Variants in CYP46A1 observed in about 807,000 individuals in gnomAD.
CYP46A1 encodes cytochrome P450 family 46 subfamily A member 1, also known as cholesterol 24-hydroxylase.
CYP46A1 carries 20 observed loss-of-function variants against 63.3 expected under a neutral mutation model. The ratio of observed to expected loss-of-function variants is 0.32; its 90% CI spans 0.22 to 0.46. The LOEUF (loss-of-function observed/expected upper bound fraction) is 0.46, where lower values mean the gene tolerates loss of function less well. CYP46A1 is among the 20% of genes least tolerant of loss of function. CYP46A1 has a pLI of 1.00. For missense variants in CYP46A1, 445 were observed against 670.8 expected, an observed-to-expected ratio of 0.66 and a Z score of 3.72; for synonymous variants, 268 against 273.6, an observed-to-expected ratio of 0.98 and a Z score of 0.20.
At chr14:99,685,825 C>T (rs1330559078) in intron 1 of CYP46A1, among the ~76,000 whole-genome samples, 1 of 152,018 alleles carries the variant, frequency 6.6e-6, no homozygotes, top group Non-Finnish European at 1.5e-5. Context: ...TGCTCTCTCT[C>T]TCTCTCCTTG....
intron 7 of CYP46A1, chr14:99,710,876 TC>T (rs1357757211): frequency 6.6e-6 from 1 of 152,108 alleles, no homozygotes; most frequent in Non-Finnish European, 1.5e-5. Context: ...ATTCTTCTCA[TC>T]AGCACATGAA....
chr14:99,695,442 T>C, intron 3 of CYP46A1: 1 of 434,980 alleles, frequency 2.3e-6, no homozygotes. Flanking sequence ...TTCCATTAGT[T>C]TGGCTTCCTG....
At chr14:99,699,425 A>T in intron 3 of CYP46A1, 41 bp from the exon 4 acceptor site, 1 of 1,588,654 alleles carries the variant, frequency 6.3e-7, no homozygotes, top group Admixed American at 1.7e-5. Context: ...GCAGCTACTC[A>T]TGGGTGCATG....
intron 3 of CYP46A1, among the ~76,000 whole-genome samples, chr14:99,695,045 C>T (rs1187599839): frequency 6.6e-6 from 1 of 152,076 alleles, no homozygotes; most frequent in East Asian, 1.9e-4. Flanking sequence ...ATTCTTTGAA[C>T]CATGGATTAT....
At chr14:99,707,167 C>T (rs2056684674) in intron 6 of CYP46A1, among the ~76,000 whole-genome samples, 2 of 152,214 alleles carry the variant, frequency 1.3e-5, no homozygotes, top group African/African-American at 2.4e-5. Context: ...AACCCCAAAC[C>T]CCACTTTATG....
intron 12 of CYP46A1, among the ~76,000 whole-genome samples, chr14:99,723,972 G>A (rs2056871963): frequency 6.6e-6 from 1 of 152,156 alleles, no homozygotes; most frequent in Non-Finnish European, 1.5e-5. Flanking sequence ...CCTGGAGGCT[G>A]GAAGTCTGAG....
chr14:99,723,074 G>A (rs2056863707), intron 12 of CYP46A1: 1 of 269,592 alleles, frequency 3.7e-6, no homozygotes, highest in Admixed American at 4.3e-5. Flanking sequence ...ACTTAGCATG[G>A]TCCGATTTTG....
intron 1 of CYP46A1, among the ~76,000 whole-genome samples, chr14:99,687,398 G>T (rs755893768): frequency 6.6e-6 from 1 of 152,194 alleles, no homozygotes; most frequent in Non-Finnish European, 1.5e-5. Context: ...GATTTGCCCA[G>T]TTGCTGGGGT....
Position 99,722,970 on chromosome 14 carries a change from A to T in CYP46A1, c.1176+904A>T. 1 of 437,842 alleles carries T rather than the reference A, an allele frequency of 2.3e-6. No individual in the cohort carries two copies. The highest frequency in any genetic ancestry group is 1.6e-5 in the South Asian group (1 of 62,980). The allele number at this position is 437,842 out of a possible 1,614,324, so 27.1% of individuals were successfully genotyped here. On this transcript the variant is annotated intron_variant, in intron 12 of 14. Coordinates refer to ENST00000261835, the MANE Select transcript of CYP46A1 (RefSeq NM_006668.2). The surrounding 1 kb of genome is among the most constrained non-coding windows in gnomAD (Gnocchi z 4.6). ...GGACCCCTGACTGTTCAGCTTTACA[A>T]ACGAACGCCACATTGTTTTCCAAAG... is the stretch of plus-strand genomic sequence containing the variant.
At chr14:99,702,469 C>T (rs529853790) in intron 5 of CYP46A1, among the ~76,000 whole-genome samples, 1 of 152,004 alleles carries the variant, frequency 6.6e-6, no homozygotes, top group African/African-American at 2.4e-5. Flanking sequence ...GGGTATTTAC[C>T]TAGTGGAATT....
At chr14:99,710,340 C>A (rs1419594036) in intron 7 of CYP46A1, 2 of 152,028 alleles carry the variant, frequency 1.3e-5, no homozygotes, top group Non-Finnish European at 2.9e-5. Context: ...TCAATAATAA[C>A]CTTGAATGTA....
chr14:99,707,394 C>T lies in CYP46A1; in HGVS notation c.583-174C>T, dbSNP rs1406570623. On this transcript the variant is annotated intron_variant, in intron 6 of 14. Transcript: ENST00000261835. Reference sequence around the variant, plus strand: ...TAGCTACTATGAGCTACTTCATCCTCATAGCATTCCATGGGGATCAAATTA... The same window carrying T: ...TAGCTACTATGAGCTACTTCATCCTTATAGCATTCCATGGGGATCAAATTA... Among the ~76,000 whole-genome samples, 4 of 152,344 alleles carry T rather than the reference C, an allele frequency of 2.6e-5. No homozygotes were observed. In the East Asian group the frequency reaches 7.7e-4, roughly 29 times the overall value.
chr14:99,688,292 G>A (rs760451131), intron 1 of CYP46A1, among the ~76,000 whole-genome samples: 23 of 152,244 alleles, frequency 1.5e-4, no homozygotes, highest in Admixed American at 7.8e-4. Context: ...CCTCCACTGC[G>A]GGCAGGCGGC....
Position 99,706,731 on chromosome 14 carries a change from C to G in CYP46A1, c.528C>G (p.Thr176=). ...TAGAAGCCAAGGCAGATGGGCAGAC[C>G]CCAGTGTCCATGCAGGACATGCTGA... is the stretch of plus-strand genomic sequence containing the variant. ...EILEAKADGQ[T]PVSMQDMLTY... is the part of the protein sequence containing the mutation. Residue 176 remains threonine, a synonymous_variant, in exon 6 of 15, where the codon ACC becomes ACG. Transcript: ENST00000261835. 1.2e-6 allele frequency: 2 copies of G among 1,613,592 alleles called. No individual in the cohort carries two copies. The highest frequency in any genetic ancestry group is 4.5e-5 in the East Asian group (2 of 44,862).
chr14:99,726,229 C>T lies in CYP46A1; in HGVS notation c.1305C>T (p.Arg435=). 1.9e-6 allele frequency: 3 copies of T among 1,613,752 alleles called. No homozygotes were observed. Among genetic ancestry groups the T allele is most frequent in the Non-Finnish European group, 2.5e-6 (3 of 1,179,926 alleles). Reference sequence around the variant, plus strand: ...ACTTCCCCTTCTCCCTGGGCCACCGCTCCTGCATCGGGCAGCAGTTTGCTC... The same window carrying T: ...ACTTCCCCTTCTCCCTGGGCCACCGTTCCTGCATCGGGCAGCAGTTTGCTC... The part of the protein sequence containing the change: ...FTYFPFSLGH[R]SCIGQQFAQM... The change falls in exon 14 of 15, where the codon CGC becomes CGT. Residue 435 remains arginine, a synonymous_variant. Transcript: ENST00000261835.
intron 3 of CYP46A1, among the ~76,000 whole-genome samples, chr14:99,695,803 G>T (rs564776800): frequency 6.6e-6 from 1 of 151,754 alleles, no homozygotes; most frequent in African/African-American, 2.4e-5. Context: ...GCTAATTTTT[G>T]TATTTTTAGT....
At chr14:99,714,032 C>CA (rs927398925) in intron 7 of CYP46A1, among the ~76,000 whole-genome samples, 6 of 151,316 alleles carry the variant, frequency 4.0e-5, no homozygotes, top group Admixed American at 6.6e-5. Flanking sequence ...AACACAACAG[C>CA]AAAAAAAAGA....
At position 99,722,057 on chromosome 14, in the gene CYP46A1, C is replaced by T; in HGVS notation, c.1167C>T (p.Thr389=). 6.2e-7 allele frequency: 1 copy of T among 1,612,122 alleles called. No individual in the cohort carries two copies. Among genetic ancestry groups the T allele is most frequent in the South Asian group, 1.1e-5 (1 of 91,028 alleles). ...ATGGGGTCAGAGTCCCCGGCAACACCCCGCTCTTGGTGGGTGGAGGCCCTG... is the reference window on the plus strand; with the variant it reads ...ATGGGGTCAGAGTCCCCGGCAACACTCCGCTCTTGGTGGGTGGAGGCCCTG... The part of the protein sequence containing the change: ...LIDGVRVPGN[T]PLLFSTYVMG... Residue 389 remains threonine, a synonymous_variant, in exon 12 of 15, where the codon ACC becomes ACT. Coordinates refer to ENST00000261835, the MANE Select transcript of CYP46A1 (RefSeq NM_006668.2). The surrounding 1 kb of genome is among the most constrained non-coding windows in gnomAD (Gnocchi z 4.6).
At chr14:99,700,495 C>T (rs2056622548) in intron 5 of CYP46A1, among the ~76,000 whole-genome samples, 1 of 152,116 alleles carries the variant, frequency 6.6e-6, no homozygotes, top group African/African-American at 2.4e-5. Context: ...TTTCGGTCAA[C>T]GATGGAATGC....
Sources: allele counts gnomAD v4.1 joint callset (sites outside exome capture counted in the v4.1 genomes callset), GRCh38; gene constraint gnomAD v4.1.1; non-coding constraint Gnocchi (gnomAD v3.1); transcripts MANE v1.5; gene names NCBI Gene and HGNC (gene_info 2026-07-23, HGNC 2026-07-21).